Variants in MARCO observed in about 807,000 individuals in gnomAD.
MARCO encodes macrophage receptor with collagenous structure, also known as macrophage receptor MARCO.
A neutral mutation model predicts 70.0 loss-of-function variants in MARCO; 72 were observed. That is an observed-to-expected ratio of 1.03 (90% CI 0.85 to 1.25). MARCO has a LOEUF of 1.25. MARCO is among the 50% of genes most tolerant of loss of function. MARCO has a pLI of 0.00. For missense variants in MARCO, 696 were observed against 659.3 expected, an observed-to-expected ratio of 1.06 and a Z score of -0.61; for synonymous variants, 273 against 243.1, an observed-to-expected ratio of 1.12 and a Z score of -1.14.
chr2:118,974,353 G>T lies in MARCO; in HGVS notation c.481G>T (p.Ala161Ser). 6.2e-7 allele frequency: 1 copy of T among 1,604,118 alleles called. No homozygotes were observed. The highest frequency in any genetic ancestry group is 8.5e-7 in the Non-Finnish European group (1 of 1,175,488). ...GAPGLQGHKGAMGMPGAPGPP... is the reference protein window; with the variant it reads ...GAPGLQGHKGSMGMPGAPGPP... ...CTCAGGTCTTCAAGGTCACAAGGGG[G>T]CCATGGGCATGCCTGGTGCCCCTGG... The change falls in exon 5 of 17, where the codon GCC becomes TCC. Residue 161 changes from alanine (A) to serine (S), a missense_variant. Transcript: ENST00000327097.
At chr2:118,947,332 A>AT (rs1483319890) in intron 1 of MARCO, among the ~76,000 whole-genome samples, 1 of 152,146 alleles carries the variant, frequency 6.6e-6, no homozygotes, top group African/African-American at 2.4e-5. Flanking sequence ...AGATCTCACT[A>AT]TGTTGCCCAA....
rs1573399033 is a variant in MARCO at position 118,977,955 on chromosome 2, T to C, written c.766+20T>C. The stretch of plus-strand genomic sequence containing the variant: ...TCCCAGGTGAGGGCCGTATTGGGGG[T>C]GTCGGTGCTTGCCAGGAGGCCTGAG... On this transcript the variant is annotated intron_variant, in intron 8 of 16. Transcript: ENST00000327097. The C allele has an allele frequency of 2.0e-6, 3 of 1,536,988 alleles. No individual in the cohort carries two copies. Among genetic ancestry groups the C allele is most frequent in the African/African-American group, 2.7e-5 (2 of 73,032 alleles).
intron 1 of MARCO, among the ~76,000 whole-genome samples, chr2:118,966,279 C>T (rs1174741514): frequency 1.3e-5 from 2 of 152,204 alleles, no homozygotes; most frequent in African/African-American, 2.4e-5. Context: ...AAAATCTTTG[C>T]CCATACTCAT....
At chr2:118,980,242 G>A (rs1011589629) in intron 8 of MARCO, among the ~76,000 whole-genome samples, 2 of 152,202 alleles carry the variant, frequency 1.3e-5, no homozygotes, top group African/African-American at 2.4e-5. Flanking sequence ...CACTCTGAAC[G>A]GCCAAGAACA....
chr2:118,949,308 A>T (rs1055076154), intron 1 of MARCO: 3 of 152,222 alleles, frequency 2.0e-5, no homozygotes, highest in Non-Finnish European at 4.4e-5. Flanking sequence ...ACTTTTGTTT[A>T]AAGTGCAAAC....
At chr2:118,974,225 C>T (rs1047714799) in intron 4 of MARCO, 108 bp from the exon 5 acceptor site, 1 of 741,250 alleles carries the variant, frequency 1.3e-6, no homozygotes, top group African/African-American at 1.7e-5. Flanking sequence ...TGGCTCATCC[C>T]CATGCTCAGT....
chr2:118,979,961 A>G (rs1680358365), intron 8 of MARCO, among the ~76,000 whole-genome samples: 1 of 152,252 alleles, frequency 6.6e-6, no homozygotes, highest in Admixed American at 6.5e-5. Flanking sequence ...TTCTGAAGTC[A>G]GGCAGCTGTG....
chr2:118,980,395 A>G (rs1680366428), intron 8 of MARCO, among the ~76,000 whole-genome samples: 1 of 152,080 alleles, frequency 6.6e-6, no homozygotes, highest in South Asian at 2.1e-4. Context: ...TGAGCCTCAT[A>G]CCTCGTGAAT....
At chr2:118,946,648 G>T (rs149723374) in intron 1 of MARCO, among the ~76,000 whole-genome samples, 2 of 152,178 alleles carry the variant, frequency 1.3e-5, no homozygotes, top group South Asian at 4.1e-4. Flanking sequence ...TAAGTGTTTT[G>T]TGTGACTTTA....
chr2:118,982,064 T>C lies in MARCO; in HGVS notation c.902-92T>C, dbSNP rs1680402727. The C allele has an allele frequency of 7.4e-6, 6 of 815,876 alleles. No individual in the cohort carries two copies. In the East Asian group the frequency reaches 1.3e-4, roughly 18 times the overall value. 50.5% of individuals were successfully genotyped at this position (815,876 alleles called of 1,614,324 possible). ...GGACTGTAAGGTGTTAAGAGGTACA[T>C]GTCTCACTGCTGAAAACAGAAGCAC... is the stretch of plus-strand genomic sequence containing the variant. On this transcript the variant is annotated intron_variant, in intron 10 of 16. Transcript: ENST00000327097.
At chr2:118,966,026 G>T (rs1299881278) in intron 1 of MARCO, among the ~76,000 whole-genome samples, 1 of 152,188 alleles carries the variant, frequency 6.6e-6, no homozygotes, top group East Asian at 1.9e-4. Flanking sequence ...CACGGGAGGA[G>T]GACACCCTAC....
At position 118,982,228 on chromosome 2, in the gene MARCO, G is replaced by C; in HGVS notation, c.974G>C (p.Gly325Ala). The change falls in exon 11 of 17, where the codon GGC (glycine) becomes GCC (alanine). Residue 325 changes from glycine to alanine, a missense_variant. Gly to Ala is a moderately conservative substitution (Grantham distance 60, BLOSUM62 0). Transcript: ENST00000327097. ...CACCCAGGTGCCAAGGGTGAGCCTG[G>C]CAGTGCTGGCTCCCCTGGGCGAGCA... ...VGHPGAKGEP[G>A]SAGSPGRAGL... is the part of the protein sequence containing the mutation. 1 of 1,613,252 alleles carries C rather than the reference G, an allele frequency of 6.2e-7. No individual in the cohort carries two copies.
At chr2:118,980,333 T>C (rs973062178) in intron 8 of MARCO, among the ~76,000 whole-genome samples, 1 of 152,194 alleles carries the variant, frequency 6.6e-6, no homozygotes, top group African/African-American at 2.4e-5. Context: ...TTTGTCTTCC[T>C]CAAGGAGCAG....
chr2:118,954,540 C>T lies in MARCO; in HGVS notation c.97+12143C>T, dbSNP rs57169539. ...ATATTGGGAGTTCTAGGGCCACACC[C>T]ACTGCCAGTCCCCCTCCACACTACT... On this transcript the variant is annotated intron_variant, in intron 1 of 16. Coordinates refer to ENST00000327097, the MANE Select transcript of MARCO (RefSeq NM_006770.4). 4.6e-3 allele frequency among the ~76,000 whole-genome samples: 700 copies of T among 152,308 alleles called. 12 individuals are homozygous for T. Among genetic ancestry groups the T allele is most frequent in the African/African-American group, 0.015 (641 of 41,554 alleles).
chr2:118,955,959 G>C (rs977473428), intron 1 of MARCO, among the ~76,000 whole-genome samples: 1 of 102,850 alleles, frequency 9.7e-6, no homozygotes, highest in Non-Finnish European at 1.9e-5. Flanking sequence ...AACTTGAACT[G>C]TTTAAATCTG....
At chr2:118,944,513 C>A (rs1312624092) in intron 1 of MARCO, among the ~76,000 whole-genome samples, 2 of 152,106 alleles carry the variant, frequency 1.3e-5, no homozygotes, top group Non-Finnish European at 2.9e-5. Flanking sequence ...TTTGAAAATA[C>A]ATTATCTTAA....
chr2:118,962,110 T>G (rs937389996), intron 1 of MARCO, among the ~76,000 whole-genome samples: 4 of 152,224 alleles, frequency 2.6e-5, no homozygotes, highest in Admixed American at 1.3e-4. Context: ...TATGCTGTTT[T>G]GGTTACTGTA....
rs772989880 is a variant in MARCO at position 118,971,517 on chromosome 2, G to A, written c.443G>A (p.Gly148Asp). 1.9e-6 allele frequency: 3 copies of A among 1,613,936 alleles called. No individual in the cohort carries two copies. In the South Asian group the frequency reaches 3.3e-5, roughly 18 times the overall value. Residue 148 changes from glycine (G) to aspartate (D), a missense_variant, in exon 4 of 17, where the codon GGT (glycine) becomes GAT (aspartate). Gly to Asp is a moderately conservative substitution (Grantham distance 94). Around this residue, in one of 3 missense-constraint regions of MARCO, gnomAD observed 605 missense variants for 537.6 expected, o/e 1.13. Transcript: ENST00000327097. ...CTTGCAGGGATGTTCAGAATCAAAG[G>A]TGAACAAGGCGCCCCAGGTAGGTTC... The part of the protein sequence containing the change: ...TQNPGMFRIK[G>D]EQGAPGLQGH...
chr2:118,966,388 A>G (rs1680047604), intron 1 of MARCO, among the ~76,000 whole-genome samples: 2 of 152,142 alleles, frequency 1.3e-5, no homozygotes, highest in African/African-American at 4.8e-5. Context: ...CTGATCCAGA[A>G]TAGGTGTTTT....
Sources: allele counts gnomAD v4.1 joint callset (sites outside exome capture counted in the v4.1 genomes callset), GRCh38; gene constraint gnomAD v4.1.1; regional missense constraint gnomAD v4.1.1; transcripts MANE v1.5; gene names NCBI Gene and HGNC (gene_info 2026-07-23, HGNC 2026-07-21).